INTS4: variants seen among roughly 807,000 people sequenced by gnomAD.
The protein encoded by INTS4 is integrator complex subunit 4, also known as MSTP093.
Under a neutral mutation model 119.5 loss-of-function variants are expected in INTS4, and 70 were observed. The observed-to-expected ratio is 0.59, with a 90% CI of 0.48 to 0.71. The LOEUF (loss-of-function observed/expected upper bound fraction) is 0.71, where lower values mean the gene tolerates loss of function less well. Among genes scored for constraint, INTS4 ranks in the 30% least tolerant of loss-of-function variants. The pLI is 0.00. For missense variants in INTS4, 867 were observed against 1,173.2 expected (o/e 0.74, Z 3.81); for synonymous variants, 316 against 419.6 (o/e 0.75, Z 3.02).
intron 10 of INTS4, among the ~76,000 whole-genome samples, 188 bp from the exon 11 acceptor site, chr11:77,928,735 GC>G (rs1953572706): frequency 6.6e-6 from 1 of 152,168 alleles, no homozygotes; most frequent in African/African-American, 2.4e-5. Context: ...TGTTGTCTCA[GC>G]TACTTGGGAG....
intron 18 of INTS4, chr11:77,900,724 T>C (rs1565232729): frequency 9.1e-6 from 6 of 656,352 alleles, no homozygotes; most frequent in African/African-American, 3.6e-5. Context: ...CATCAAAATA[T>C]CTGATTTCAG....
At chr11:77,920,979 C>CA (rs553379099) in intron 14 of INTS4, among the ~76,000 whole-genome samples, 3 of 150,242 alleles carry the variant, frequency 2.0e-5, no homozygotes, top group Non-Finnish European at 3.0e-5. Flanking sequence ...CCAGGGACAC[C>CA]AAAAAAAATG....
intron 4 of INTS4, among the ~76,000 whole-genome samples, chr11:77,964,735 G>C (rs1855418998): frequency 6.6e-6 from 1 of 151,976 alleles, no homozygotes; most frequent in Non-Finnish European, 1.5e-5. Flanking sequence ...GAGGGAGGAA[G>C]GGAGGGAAAG....
chr11:77,920,242 T>C (rs1286762399), intron 14 of INTS4, among the ~76,000 whole-genome samples: 4 of 80,038 alleles, frequency 5.0e-5, no homozygotes, highest in African/African-American at 1.3e-4. Context: ...CATATATACA[T>C]ATATATACAT....
At chr11:77,981,791 T>C (rs556523429) in intron 2 of INTS4, among the ~76,000 whole-genome samples, 42 of 151,370 alleles carry the variant, frequency 2.8e-4, no homozygotes, top group African/African-American at 9.5e-4. Flanking sequence ...GAGATGGAGT[T>C]TTAATCTGTT....
rs756713835 is a variant in INTS4 at position 77,956,045 on chromosome 11, G to A, written c.815C>T (p.Ser272Phe). ...LYPESIVPIP[S>F]SNEEIRLVDD... ...AACTAAGCGTATTTCTTCATTAGAAGAAGGAATTGGGACAATGCTAAATTA... is the reference window on the plus strand; with the variant it reads ...AACTAAGCGTATTTCTTCATTAGAAAAAGGAATTGGGACAATGCTAAATTA... The change falls in exon 8 of 23, where the codon TCT becomes TTT. Residue 272 changes from serine (S) to phenylalanine (F), a missense_variant. Transcript: ENST00000534064. The A allele has an allele frequency of 3.6e-5, 58 of 1,602,832 alleles. No individual in the cohort carries two copies. The East Asian group carries it at 1.3e-3, about 35-fold the overall frequency.
chr11:77,889,629 G>T (rs1350660200), intron 21 of INTS4, among the ~76,000 whole-genome samples: 1 of 152,170 alleles, frequency 6.6e-6, no homozygotes, highest in Non-Finnish European at 1.5e-5. Flanking sequence ...TTTTAATGGG[G>T]AATGTAATCT....
intron 2 of INTS4, among the ~76,000 whole-genome samples, chr11:77,990,278 C>A (rs1458698719): frequency 6.6e-6 from 1 of 151,578 alleles, no homozygotes; most frequent in African/African-American, 2.4e-5. Context: ...GCAGTCCCAC[C>A]TACGTGGAAG....
chr11:77,980,875 C>G (rs997149164), intron 3 of INTS4, among the ~76,000 whole-genome samples: 5 of 151,978 alleles, frequency 3.3e-5, no homozygotes, highest in Admixed American at 6.6e-5. Flanking sequence ...CACCTGTAGT[C>G]CCAGCTACTT....
chr11:77,953,118 A>C (rs1471091732), intron 8 of INTS4, among the ~76,000 whole-genome samples: 1 of 152,230 alleles, frequency 6.6e-6, no homozygotes, highest in Non-Finnish European at 1.5e-5. Flanking sequence ...AGCGCTTCAC[A>C]CAGGTTTCAG....
Position 77,963,338 on chromosome 11 carries a change from AC to A in INTS4, c.472-2201del, listed in dbSNP as rs1565276285. 7 of 362,700 alleles carry A rather than the reference AC, an allele frequency of 1.9e-5. No homozygotes were observed. In the Admixed American group the frequency reaches 2.6e-4, roughly 14 times the overall value. The allele number at this position is 362,700 out of a possible 1,614,324, so 22.5% of individuals were successfully genotyped here. On this transcript the variant is annotated intron_variant, in intron 4 of 22. Coordinates refer to ENST00000534064, the MANE Select transcript of INTS4 (RefSeq NM_033547.4). ...AACTGCTTTTCTGGCCGGGCGCAGAACGAGACTCCGTCTCAAAAAAAAAAAA... is the reference window on the plus strand; with the variant it reads ...AACTGCTTTTCTGGCCGGGCGCAGAAGAGACTCCGTCTCAAAAAAAAAAAA...
At position 77,891,469 on chromosome 11, in the gene INTS4, G is replaced by A. The variant is rs1952262301; in HGVS notation, c.2449-7C>T. 1 of 1,613,624 alleles carries A rather than the reference G, an allele frequency of 6.2e-7. No individual in the cohort carries two copies. The highest frequency in any genetic ancestry group is 8.5e-7 in the Non-Finnish European group (1 of 1,179,686). On this transcript the variant is annotated splice_region_variant and splice_polypyrimidine_tract_variant and intron_variant, in intron 20 of 22. Coordinates refer to ENST00000534064, the MANE Select transcript of INTS4 (RefSeq NM_033547.4). ...TGGCTGAGGCTTTGTGGATCTGTAA[G>A]CAAGAGGAAAATCCTATGATTTTAA...
At chr11:77,969,540 C>T (rs1291552610) in intron 4 of INTS4, among the ~76,000 whole-genome samples, 3 of 152,038 alleles carry the variant, frequency 2.0e-5, no homozygotes, top group African/African-American at 7.2e-5. Flanking sequence ...CACCATCACA[C>T]CTGCTAGTTC....
intron 4 of INTS4, among the ~76,000 whole-genome samples, chr11:77,975,955 C>CA (rs34102366): frequency 0.14 from 19,848 of 138,532 alleles, 1,616 homozygotes; most frequent in Non-Finnish European, 0.19. Context: ...GACTCTATCT[C>CA]AAAAAAAAAA....
chr11:77,903,863 G>A (rs1384243716), intron 16 of INTS4, among the ~76,000 whole-genome samples: 1 of 152,110 alleles, frequency 6.6e-6, no homozygotes, highest in Non-Finnish European at 1.5e-5. Flanking sequence ...TCCCAGATCA[G>A]TGCTTCTGGA....
chr11:77,955,859 C>A (rs1273232352), intron 8 of INTS4, 83 bp downstream of exon 8: 1 of 1,366,266 alleles, frequency 7.3e-7, no homozygotes, highest in African/African-American at 1.5e-5. Flanking sequence ...TTGAGACCAA[C>A]CTGGGCCACA....
intron 15 of INTS4, 94 bp from the exon 16 acceptor site, chr11:77,907,904 A>G: frequency 1.3e-6 from 1 of 758,560 alleles, no homozygotes; most frequent in South Asian, 1.7e-5. Context: ...TTTTATACCT[A>G]GTAAACAGTC....
At chr11:77,890,545 T>A (rs1216028973) in intron 21 of INTS4, among the ~76,000 whole-genome samples, 1 of 151,428 alleles carries the variant, frequency 6.6e-6, no homozygotes, top group African/African-American at 2.4e-5. Context: ...TTTGAAAGGG[T>A]TTTTTAGGAG....
At chr11:77,918,083 T>C (rs1224976087) in intron 15 of INTS4, 1 of 612,512 alleles carries the variant, frequency 1.6e-6, no homozygotes, top group Non-Finnish European at 2.9e-6. Context: ...GGGGCACAGT[T>C]AGATCTGAAT....
Sources: allele counts gnomAD v4.1 joint callset (sites outside exome capture counted in the v4.1 genomes callset), GRCh38; gene constraint gnomAD v4.1.1; transcripts MANE v1.5; gene names NCBI Gene and HGNC (gene_info 2026-07-23, HGNC 2026-07-21).